BABAM2: variants seen among roughly 807,000 people sequenced by gnomAD.
BABAM2 encodes the protein BRISC and BRCA1-A complex member 2.
A neutral mutation model predicts 54.7 loss-of-function variants in BABAM2; 31 were observed. The observed-to-expected ratio is 0.57, with a 90% CI of 0.43 to 0.77. BABAM2 has a LOEUF of 0.77. Among genes scored for constraint, BABAM2 ranks in the 30% least tolerant of loss-of-function variants. The pLI, the probability that BABAM2 is intolerant of heterozygous loss-of-function variation, is 0.00. For synonymous variants in BABAM2, 167 were observed against 162.9 expected (o/e 1.03, Z -0.19); for missense variants, 364 against 455.8 (o/e 0.80, Z 1.83).
intron 7 of BABAM2, among the ~76,000 whole-genome samples, chr2:28,164,067 C>G (rs1673378905): frequency 6.6e-6 from 1 of 152,222 alleles, no homozygotes; most frequent in East Asian, 1.9e-4. Flanking sequence ...AAACAGACTC[C>G]TACAACTTGT....
rs144550431 is a variant in BABAM2 at position 28,075,558 on chromosome 2, ATG to A, written c.570+29778_570+29779del. Reference sequence around the variant, plus strand: ...TCTCTCTCTCTCTCTTTCTCTGTGCATGTGTGTGTGTGTGTGTGTGCGTGTGT... The same window carrying A: ...TCTCTCTCTCTCTCTTTCTCTGTGCATGTGTGTGTGTGTGTGTGCGTGTGT... On this transcript the variant is annotated intron_variant, in intron 6 of 11. Transcript: ENST00000379624. Among the ~76,000 whole-genome samples the A allele has an allele frequency of 7.0e-3, 1,028 of 147,570 alleles. 9 individuals carry two copies. Among genetic ancestry groups the A allele is most frequent in the African/African-American group, 0.023 (946 of 40,516 alleles).
intron 10 of BABAM2, among the ~76,000 whole-genome samples, chr2:28,287,204 A>G (rs1686896672): frequency 6.6e-6 from 1 of 152,166 alleles, no homozygotes; most frequent in South Asian, 2.1e-4. Flanking sequence ...ACTTTGCCCA[A>G]TTTTTAAATG....
chr2:28,192,517 C>CTTTT (rs58587872), intron 7 of BABAM2, among the ~76,000 whole-genome samples: 25 of 120,586 alleles, frequency 2.1e-4, no homozygotes, highest in African/African-American at 5.9e-4. Context: ...GTTTATAGCT[C>CTTTT]TTTTTTTTTT....
At chr2:27,915,827 T>A (rs1330562529) in intron 2 of BABAM2, among the ~76,000 whole-genome samples, 2 of 152,198 alleles carry the variant, frequency 1.3e-5, no homozygotes, top group African/African-American at 4.8e-5. Context: ...GTCATCAGTT[T>A]CCTACTACAA....
chr2:28,095,143 G>A (rs1228993027), intron 6 of BABAM2, among the ~76,000 whole-genome samples: 1 of 152,026 alleles, frequency 6.6e-6, no homozygotes, highest in Non-Finnish European at 1.5e-5. Flanking sequence ...TAATTTTGAT[G>A]GCAAATTTCC....
At chr2:28,040,294 C>CTTTTTTT (rs397735161) in intron 5 of BABAM2, among the ~76,000 whole-genome samples, 947 of 59,498 alleles carry the variant, frequency 0.016, 181 homozygotes, top group African/African-American at 0.059. Context: ...AAACTGAATT[C>CTTTTTTT]TTTTTTTTTT....
At chr2:28,094,779 T>C (rs2148698002) in intron 6 of BABAM2, among the ~76,000 whole-genome samples, 1 of 152,188 alleles carries the variant, frequency 6.6e-6, no homozygotes, top group Admixed American at 6.6e-5. Flanking sequence ...CAAATGCGAG[T>C]ATATGTTCTC....
In BABAM2 at chr2:28,322,080, A is replaced by G. The variant is rs1374812831; in HGVS notation, c.1089-16370A>G. On this transcript the variant is annotated intron_variant, in intron 11 of 11. Transcript: ENST00000379624. The surrounding 1 kb of genome is among the most constrained non-coding windows in gnomAD (Gnocchi z 4.1). ...CTGTTCATTCAGTCATTCAACAGAA[A>G]ATTAGGGTACTTCTGTGTCACTGAG... is the stretch of plus-strand genomic sequence containing the variant. 6.6e-6 allele frequency among the ~76,000 whole-genome samples: 1 copy of G among 152,162 alleles called. No individual in the cohort carries two copies. Among genetic ancestry groups the G allele is most frequent in the African/African-American group, 2.4e-5 (1 of 41,436 alleles).
chr2:28,080,634 T>C (rs1477982395), intron 6 of BABAM2, among the ~76,000 whole-genome samples: 1 of 152,236 alleles, frequency 6.6e-6, no homozygotes, highest in Admixed American at 6.5e-5. Flanking sequence ...TCTGTGCCTG[T>C]GTTCTGTAGA....
intron 3 of BABAM2, 124 bp from the exon 4 acceptor site, chr2:27,987,869 G>A: frequency 1.4e-6 from 1 of 706,128 alleles, no homozygotes; most frequent in Non-Finnish European, 2.3e-6. Context: ...CATCTGGAAA[G>A]TGCTTTTCAA....
intron 6 of BABAM2, among the ~76,000 whole-genome samples, chr2:28,069,337 T>C (rs1041326150): frequency 6.6e-6 from 1 of 152,178 alleles, no homozygotes; most frequent in African/African-American, 2.4e-5. Context: ...ATTTGTTGAG[T>C]ACCTACTACA....
At chr2:28,076,060 T>TA (rs1390010159) in intron 6 of BABAM2, among the ~76,000 whole-genome samples, 1 of 152,042 alleles carries the variant, frequency 6.6e-6, no homozygotes, top group Non-Finnish European at 1.5e-5. Flanking sequence ...GCCCACGAGT[T>TA]AGAGAGCAGC....
intron 6 of BABAM2, among the ~76,000 whole-genome samples, chr2:28,104,515 T>C (rs542222955): frequency 1.2e-4 from 19 of 152,146 alleles, no homozygotes; most frequent in African/African-American, 3.6e-4. Flanking sequence ...GTTAGAATGG[T>C]GATCATTAAA....
intron 11 of BABAM2, among the ~76,000 whole-genome samples, chr2:28,306,995 CTTTTTTTTTTT>C (rs143177903): frequency 3.0e-4 from 8 of 26,358 alleles, no homozygotes; most frequent in African/African-American, 9.6e-4. Context: ...CACACCTGGC[CTTTTTTTTTTT>C]TTTTTTTTTT....
intron 10 of BABAM2, among the ~76,000 whole-genome samples, chr2:28,288,996 C>T (rs553995227): frequency 1.3e-5 from 2 of 148,174 alleles, no homozygotes; most frequent in South Asian, 4.3e-4. Context: ...ATTCAGTTTT[C>T]CTGACCCTCT....
At chr2:28,202,212 C>T (rs1573829571) in intron 7 of BABAM2, among the ~76,000 whole-genome samples, 1 of 152,176 alleles carries the variant, frequency 6.6e-6, no homozygotes, top group Admixed American at 6.5e-5. Flanking sequence ...CTAAGCACTA[C>T]TTAATGGAAT....
chr2:28,126,240 C>T (rs1001763194), intron 6 of BABAM2, among the ~76,000 whole-genome samples: 5 of 150,374 alleles, frequency 3.3e-5, no homozygotes, highest in Non-Finnish European at 7.4e-5. Flanking sequence ...TGTGCTGCAC[C>T]CATTAACTCG....
intron 6 of BABAM2, among the ~76,000 whole-genome samples, chr2:28,052,665 C>G (rs1678089679): frequency 6.6e-6 from 1 of 152,098 alleles, no homozygotes; most frequent in African/African-American, 2.4e-5. Flanking sequence ...TCAATGTTCT[C>G]TCCTGGAAAA....
chr2:28,063,469 C>G (rs1056078632), intron 6 of BABAM2, among the ~76,000 whole-genome samples: 2 of 152,114 alleles, frequency 1.3e-5, no homozygotes, highest in African/African-American at 4.8e-5. Flanking sequence ...ATATTTTGTG[C>G]CAAGTCTTTA....
Sources: allele counts gnomAD v4.1 joint callset (sites outside exome capture counted in the v4.1 genomes callset), GRCh38; gene constraint gnomAD v4.1.1; non-coding constraint Gnocchi (gnomAD v3.1); transcripts MANE v1.5; gene names NCBI Gene and HGNC (gene_info 2026-07-23, HGNC 2026-07-21).